PARVA: variants seen among roughly 807,000 people sequenced by gnomAD.
PARVA encodes the protein alpha-parvin.
Under a neutral mutation model 52.6 loss-of-function variants are expected in PARVA, and 25 were observed. That is an observed-to-expected ratio of 0.48 (90% CI 0.35 to 0.66). The LOEUF (loss-of-function observed/expected upper bound fraction) is 0.66. Ranked by LOEUF, PARVA falls within the 30% of genes least tolerant of loss-of-function variation. PARVA has a pLI of 0.01. For missense variants in PARVA, 373 were observed against 450.9 expected (o/e 0.83, Z 1.56); for synonymous variants, 185 against 179.1 (o/e 1.03, Z -0.26).
chr11:12,418,554 G>T (rs995847458), intron 1 of PARVA, among the ~76,000 whole-genome samples: 1 of 152,166 alleles, frequency 6.6e-6, no homozygotes, highest in Non-Finnish European at 1.5e-5. Context: ...CAGCGTGCCT[G>T]CCACAGCCTC....
intron 1 of PARVA, among the ~76,000 whole-genome samples, chr11:12,445,764 G>A (rs189824043): frequency 2.0e-5 from 3 of 152,154 alleles, no homozygotes; most frequent in African/African-American, 7.2e-5. Flanking sequence ...ATACATATGG[G>A]GGCCATATGT....
chr11:12,388,825 T>C (rs1939616971), intron 1 of PARVA, among the ~76,000 whole-genome samples: 1 of 152,210 alleles, frequency 6.6e-6, no homozygotes, highest in African/African-American at 2.4e-5. Context: ...AGGCACATAA[T>C]ACTCCATTGA....
intron 1 of PARVA, among the ~76,000 whole-genome samples, chr11:12,407,322 G>A (rs1333316655): frequency 6.6e-6 from 1 of 152,102 alleles, no homozygotes; most frequent in Non-Finnish European, 1.5e-5. Context: ...CGTGCCTTCA[G>A]GAAAAATAGT....
chr11:12,424,505 AAAAAT>A (rs1397369192), intron 1 of PARVA, among the ~76,000 whole-genome samples: 4 of 152,332 alleles, frequency 2.6e-5, no homozygotes, highest in South Asian at 2.1e-4. Flanking sequence ...AAATAAATTT[AAAAAT>A]AAAATAAAAA....
chr11:12,493,388 C>T (rs1941257103), intron 4 of PARVA, among the ~76,000 whole-genome samples: 1 of 149,138 alleles, frequency 6.7e-6, no homozygotes, highest in African/African-American at 2.5e-5. Context: ...TATTAACACA[C>T]ACACAATAAG....
At chr11:12,467,765 AAG>A (rs1359849835) in intron 1 of PARVA, among the ~76,000 whole-genome samples, 4 of 152,224 alleles carry the variant, frequency 2.6e-5, no homozygotes, top group African/African-American at 9.6e-5. Flanking sequence ...CTGAAGGAGA[AAG>A]AACATCCTGG....
chr11:12,496,345 A>AGAGTGGATGCATGCAT (rs1941297919), intron 4 of PARVA, 113 bp from the exon 5 acceptor site: 2 of 862,076 alleles, frequency 2.3e-6, no homozygotes, highest in African/African-American at 3.3e-5. Context: ...TATTGTTGCA[A>AGAGTGGATGCATGCAT]GAGTGCATGC....
At chr11:12,520,156 AATT>A (rs771213252) in intron 12 of PARVA, among the ~76,000 whole-genome samples, 142 of 152,232 alleles carry the variant, frequency 9.3e-4, no homozygotes, top group Non-Finnish European at 9.3e-4. Flanking sequence ...ATTTTTATGC[AATT>A]ATTAAGTTGC....
chr11:12,397,641 T>G (rs1267783458), intron 1 of PARVA, among the ~76,000 whole-genome samples: 2 of 152,162 alleles, frequency 1.3e-5, no homozygotes, highest in Non-Finnish European at 2.9e-5. Context: ...TATCCGGATC[T>G]CTAATCTTAT....
chr11:12,486,611 C>T (rs1229120246), intron 4 of PARVA, among the ~76,000 whole-genome samples: 1 of 152,012 alleles, frequency 6.6e-6, no homozygotes, highest in Non-Finnish European at 1.5e-5. Context: ...TTTAGGAGGC[C>T]GAGGCAGGCA....
chr11:12,410,455 C>G (rs752999012), intron 1 of PARVA, among the ~76,000 whole-genome samples: 1 of 152,240 alleles, frequency 6.6e-6, no homozygotes, highest in African/African-American at 2.4e-5. Context: ...TGGAGACAGG[C>G]CTGTGCCAGG....
intron 1 of PARVA, among the ~76,000 whole-genome samples, chr11:12,425,377 C>A (rs10831815): frequency 0.4 from 60,780 of 152,022 alleles, 13,907 homozygotes; most frequent in South Asian, 0.57. Flanking sequence ...TTGGATTCCT[C>A]AAGGCCTTCC....
intron 1 of PARVA, among the ~76,000 whole-genome samples, chr11:12,456,583 C>T (rs1444877382): frequency 6.6e-6 from 1 of 152,032 alleles, no homozygotes; most frequent in Admixed American, 6.6e-5. Flanking sequence ...ATGGCCCTGA[C>T]TTAACTCTCT....
At chr11:12,392,425 C>T (rs575254801) in intron 1 of PARVA, among the ~76,000 whole-genome samples, 14 of 152,060 alleles carry the variant, frequency 9.2e-5, no homozygotes, top group South Asian at 6.2e-4. Context: ...CCTGCCACCA[C>T]GCCCAGCTAA....
intron 1 of PARVA, among the ~76,000 whole-genome samples, chr11:12,420,949 A>G (rs529745766): frequency 1.3e-5 from 2 of 151,902 alleles, no homozygotes; most frequent in Non-Finnish European, 2.9e-5. Context: ...AGAGGTCTTA[A>G]ATTCCTGGAT....
intron 12 of PARVA, 114 bp from the exon 13 acceptor site, chr11:12,527,735 C>T (rs930669060): frequency 1.7e-5 from 14 of 821,956 alleles, no homozygotes; most frequent in African/African-American, 5.0e-5. Context: ...CCATCTGCCC[C>T]GAACATGCTG....
chr11:12,478,630 C>T (rs1941045777), intron 4 of PARVA: 2 of 160,308 alleles, frequency 1.2e-5, no homozygotes, highest in Non-Finnish European at 2.7e-5. Flanking sequence ...TGAATTCATC[C>T]ACTTTTCTAA....
chr11:12,430,722 C>T (rs1940304702), intron 1 of PARVA, among the ~76,000 whole-genome samples: 1 of 152,186 alleles, frequency 6.6e-6, no homozygotes, highest in Non-Finnish European at 1.5e-5. Flanking sequence ...AGGGCCCATG[C>T]CTGGCTATAA....
At chr11:12,392,849 C>T (rs1939679760) in intron 1 of PARVA, among the ~76,000 whole-genome samples, 1 of 151,842 alleles carries the variant, frequency 6.6e-6, no homozygotes, top group South Asian at 2.1e-4. Flanking sequence ...CACACTGGAT[C>T]TCCTTCACTC....
Sources: allele counts gnomAD v4.1 joint callset (sites outside exome capture counted in the v4.1 genomes callset), GRCh38; gene constraint gnomAD v4.1.1; transcripts MANE v1.5; gene names NCBI Gene and HGNC (gene_info 2026-07-23, HGNC 2026-07-21).